PPARGC1A: variants seen among roughly 807,000 people sequenced by gnomAD.
PPARGC1A encodes PPARG coactivator 1 alpha.
PPARGC1A carries 25 observed loss-of-function variants against 88.7 expected under a neutral mutation model. The ratio of observed to expected loss-of-function variants is 0.28; its 90% CI spans 0.21 to 0.39. The LOEUF (loss-of-function observed/expected upper bound fraction) is 0.39, where lower values mean the gene tolerates loss of function less well. Ranked by LOEUF, PPARGC1A falls within the 10% of genes least tolerant of loss-of-function variation. The pLI, the probability that PPARGC1A is intolerant of heterozygous loss-of-function variation, is 1.00. For missense variants in PPARGC1A, 880 were observed against 968.7 expected (o/e 0.91, Z 1.22); for synonymous variants, 363 against 355.6 (o/e 1.02, Z -0.24).
the PPARGC1A span, among the ~76,000 whole-genome samples, chr4:24,038,981 A>C: frequency 6.6e-6 from 1 of 152,156 alleles, no homozygotes; most frequent in South Asian, 2.1e-4. Context: ...GTCTTGTCTT[A>C]CACAATTTAA....
the PPARGC1A span, among the ~76,000 whole-genome samples, chr4:24,200,787 G>T: frequency 3.3e-5 from 5 of 151,466 alleles, no homozygotes; most frequent in African/African-American, 1.2e-4. Context: ...TGTTTAGAAA[G>T]ATTTCAGAGT....
chr4:24,312,949 A>C, the PPARGC1A span, among the ~76,000 whole-genome samples: 1 of 152,200 alleles, frequency 6.6e-6, no homozygotes, highest in Admixed American at 6.5e-5. Context: ...AAAGTTCAGA[A>C]GCTTATTGAG....
the PPARGC1A span, among the ~76,000 whole-genome samples, chr4:24,180,582 C>A: frequency 2.0e-5 from 3 of 152,120 alleles, no homozygotes; most frequent in Non-Finnish European, 4.4e-5. Context: ...TTTAGCAACA[C>A]CCTGACATCT....
At chr4:24,136,475 G>A in the PPARGC1A span, among the ~76,000 whole-genome samples, 4 of 152,118 alleles carry the variant, frequency 2.6e-5, no homozygotes, top group African/African-American at 9.7e-5. Flanking sequence ...CGAAAGTCAC[G>A]ATCAGAGGTG....
the PPARGC1A span, among the ~76,000 whole-genome samples, chr4:23,949,096 A>G: frequency 6.6e-6 from 1 of 152,290 alleles, no homozygotes; most frequent in South Asian, 2.1e-4. Flanking sequence ...CACTGATTCA[A>G]TGAAGATCAT....
At chr4:24,346,301 A>G in the PPARGC1A span, among the ~76,000 whole-genome samples, 7 of 152,164 alleles carry the variant, frequency 4.6e-5, no homozygotes, top group South Asian at 1.5e-3. Flanking sequence ...TCATAGAATG[A>G]GTTAGGGAGG....
chr4:23,797,527 A>C (rs1717829411), intron 12 of PPARGC1A, among the ~76,000 whole-genome samples: 1 of 152,182 alleles, frequency 6.6e-6, no homozygotes, highest in African/African-American at 2.4e-5. Context: ...ACTCTTTGAG[A>C]ATATTTTAAA....
At chr4:24,047,207 G>C in the PPARGC1A span, among the ~76,000 whole-genome samples, 1 of 152,076 alleles carries the variant, frequency 6.6e-6, no homozygotes, top group Non-Finnish European at 1.5e-5. Flanking sequence ...CTCTCTACTC[G>C]AAATAGTTTA....
the PPARGC1A span, among the ~76,000 whole-genome samples, chr4:24,355,832 A>G: frequency 1.3e-5 from 2 of 152,162 alleles, no homozygotes; most frequent in Non-Finnish European, 2.9e-5. Context: ...TTTGCCATCA[A>G]TTTAAAACAG....
chr4:24,354,713 C>T, the PPARGC1A span, among the ~76,000 whole-genome samples: 5 of 152,070 alleles, frequency 3.3e-5, no homozygotes, highest in African/African-American at 9.6e-5. Context: ...GGTAAAACCC[C>T]GTCTCTACTA....
intron 10 of PPARGC1A, among the ~76,000 whole-genome samples, chr4:23,806,543 T>C (rs1719843013): frequency 6.6e-6 from 1 of 152,222 alleles, no homozygotes; most frequent in Admixed American, 6.5e-5. Flanking sequence ...AAAATGATTT[T>C]CGGACCAGTT....
At chr4:23,804,549 C>T (rs1233171396) in intron 10 of PPARGC1A, among the ~76,000 whole-genome samples, 1 of 152,134 alleles carries the variant, frequency 6.6e-6, no homozygotes, top group African/African-American at 2.4e-5. Flanking sequence ...CAATGACGTC[C>T]ATTAACTTCT....
At chr4:23,834,114 A>G (rs541404393) in intron 2 of PPARGC1A, among the ~76,000 whole-genome samples, 53 of 152,304 alleles carry the variant, frequency 3.5e-4, no homozygotes, top group African/African-American at 1.3e-3. Flanking sequence ...CCTGGCTAAC[A>G]TGGTGAAACC....
the PPARGC1A span, among the ~76,000 whole-genome samples, chr4:24,319,964 G>A: frequency 2.0e-5 from 3 of 152,098 alleles, no homozygotes; most frequent in South Asian, 6.2e-4. Flanking sequence ...CCTTCTAAGA[G>A]TCATACTAGA....
the PPARGC1A span, among the ~76,000 whole-genome samples, chr4:24,016,296 T>G: frequency 6.6e-6 from 1 of 152,064 alleles, no homozygotes; most frequent in Non-Finnish European, 1.5e-5. Flanking sequence ...GTGATGGGGA[T>G]TGGGATGGAA....
At position 23,851,810 on chromosome 4, in the gene PPARGC1A, T is replaced by C. The variant is rs561981931; in HGVS notation, c.235-20059A>G. Among the ~76,000 whole-genome samples, 36 of 152,350 alleles carry C rather than the reference T, an allele frequency of 2.4e-4. 1 individual carries two copies. The highest frequency in any genetic ancestry group is 6.8e-3 in the Middle Eastern group (2 of 294). ...TTTTGCTCTCTCTTCAAACTTTTGC[T>C]GTATGCTGTGTCTTACAGAAGCTAT... On this transcript the variant is annotated intron_variant, in intron 2 of 12. Coordinates refer to ENST00000264867, the MANE Select transcript of PPARGC1A (RefSeq NM_013261.5).
the PPARGC1A span, among the ~76,000 whole-genome samples, chr4:24,019,319 C>A: frequency 6.6e-6 from 1 of 152,046 alleles, no homozygotes; most frequent in Non-Finnish European, 1.5e-5. Flanking sequence ...ATGTCAGGTT[C>A]TGGCTAAACA....
At chr4:24,224,612 G>A in the PPARGC1A span, among the ~76,000 whole-genome samples, 8 of 152,188 alleles carry the variant, frequency 5.3e-5, no homozygotes, top group African/African-American at 1.9e-4. Flanking sequence ...ACAAGGTAAA[G>A]AAAGCATTGA....
chr4:23,822,087 C>T (rs959217711), intron 7 of PPARGC1A, among the ~76,000 whole-genome samples: 1 of 152,026 alleles, frequency 6.6e-6, no homozygotes, highest in Non-Finnish European at 1.5e-5. Flanking sequence ...ATGAATATGA[C>T]TTTGAAATGG....
Sources: gnomAD v4.1 joint callset for allele counts (sites outside exome capture counted in the v4.1 genomes callset) on GRCh38, gnomAD v4.1.1 for gene constraint, MANE v1.5 for transcripts, NCBI Gene and HGNC (gene_info 2026-07-23, HGNC 2026-07-21) for gene names.